The following RNF24 variants were observed in gnomAD, a reference collection of about 807,000 sequenced individuals.
The protein encoded by RNF24 is ring finger protein 24.
In RNF24, 14 loss-of-function variants were observed where a neutral mutation model predicts 20.0. That is an observed-to-expected ratio of 0.70 (90% CI 0.46 to 1.10). RNF24 has a LOEUF of 1.10. Among genes scored for constraint, RNF24 ranks in the 50% least tolerant of loss-of-function variants. The pLI, the probability that RNF24 is intolerant of heterozygous loss-of-function variation, is 0.00. For synonymous variants in RNF24, 45 were observed against 61.1 expected, an observed-to-expected ratio of 0.74 and a Z score of 1.23; for missense variants, 124 against 177.6, an observed-to-expected ratio of 0.70 and a Z score of 1.71.
chr20:3,935,176 A>G, intron 4 of RNF24, 103 bp from the exon 5 acceptor site: 1 of 789,970 alleles, frequency 1.3e-6, no homozygotes, highest in Non-Finnish European at 2.1e-6. Context: ...GAAGGGACTC[A>G]TGAGACTCTT....
chr20:3,976,251 G>A (rs994540853), intron 1 of RNF24, among the ~76,000 whole-genome samples: 1 of 152,042 alleles, frequency 6.6e-6, no homozygotes, highest in African/African-American at 2.4e-5. Flanking sequence ...ATATACAGAT[G>A]GTAAATAAGT....
intron 1 of RNF24, among the ~76,000 whole-genome samples, chr20:3,972,180 A>G (rs1275149495): frequency 2.0e-5 from 3 of 152,210 alleles, no homozygotes; most frequent in East Asian, 1.9e-4. Context: ...AAGGAGATAT[A>G]AAGAAATCTA....
intron 1 of RNF24, among the ~76,000 whole-genome samples, chr20:3,972,064 C>T (rs777252108): frequency 6.6e-6 from 1 of 152,092 alleles, no homozygotes; most frequent in Non-Finnish European, 1.5e-5. Context: ...GAAACATTAC[C>T]TAATGATAAA....
chr20:3,986,649 ATTTT>A (rs36005352), intron 1 of RNF24, among the ~76,000 whole-genome samples: 1 of 138,902 alleles, frequency 7.2e-6, no homozygotes. Context: ...ATGCAGTATA[ATTTT>A]TTTTTTTTTT....
rs371111451 is a variant in RNF24, at chr20:3,933,155, G to A, written c.*908C>T. 48 of 391,310 alleles carry A rather than the reference G, an allele frequency of 1.2e-4. No individual in the cohort carries two copies. The highest frequency in any genetic ancestry group is 1.2e-3 in the East Asian group (33 of 27,808). 24.2% of individuals were successfully genotyped at this position (391,310 alleles called of 1,614,324 possible). A position where few individuals can be genotyped will look rare whatever the true frequency, so the allele number is the denominator to read the frequency against. On this transcript the variant is annotated 3_prime_UTR_variant, in exon 6 of 6. Transcript: ENST00000358395. ...AAGGAGGGGGAGAGGCCAAAGGGTC[G>A]GCATTCCCTTCATCCAGCCGGGCCA... is the stretch of plus-strand genomic sequence containing the variant.
rs73588501 is a variant in RNF24 at position 3,992,812 on chromosome 20, A to G, written c.-8+22625T>C. Among the ~76,000 whole-genome samples the G allele has an allele frequency of 5.5e-3, 842 of 152,354 alleles. 6 individuals are homozygous for G. The highest frequency in any genetic ancestry group is 0.019 in the African/African-American group (779 of 41,594). On this transcript the variant is annotated intron_variant, in intron 1 of 5. Coordinates refer to ENST00000358395, the MANE Select transcript of RNF24 (RefSeq NM_001134337.3). ...AATTTCCAAAGCAAAAAGGCTAGAC[A>G]TTGGCTTAAATAAGTCAAAATAATA...
At chr20:4,008,697 C>T (rs892275953) in intron 1 of RNF24, among the ~76,000 whole-genome samples, 1 of 150,070 alleles carries the variant, frequency 6.7e-6, no homozygotes, top group Non-Finnish European at 1.5e-5. Flanking sequence ...CAGGCACCCG[C>T]CACCACACCC....
intron 1 of RNF24, among the ~76,000 whole-genome samples, chr20:3,986,649 ATTTTT>A (rs36005352): frequency 7.2e-6 from 1 of 138,908 alleles, no homozygotes. Context: ...ATGCAGTATA[ATTTTT>A]TTTTTTTTTT....
intron 2 of RNF24, among the ~76,000 whole-genome samples, chr20:3,961,244 A>C (rs1005170198): frequency 2.6e-5 from 4 of 152,174 alleles, no homozygotes; most frequent in Admixed American, 2.6e-4. Context: ...TCTACAAAAA[A>C]TAAAAAAATT....
At position 3,986,912 on chromosome 20, in the gene RNF24, T is replaced by TC. The variant is rs139137466; in HGVS notation, c.-7-22889dup. The stretch of plus-strand genomic sequence containing the variant: ...GATCCGCCCACCTTGGCCTTTTTTT[T>TC]CTTTTTTTTAAAAGAGGCAGAGTCT... On this transcript the variant is annotated intron_variant, in intron 1 of 5. Transcript: ENST00000358395. Among the ~76,000 whole-genome samples the TC allele has an allele frequency of 3.4e-4, 52 of 152,158 alleles. No homozygotes were observed. The East Asian group carries it at 0.01, about 29-fold the overall frequency.
rs1183680458 is a variant in RNF24 at position 3,933,325 on chromosome 20, G to T, written c.*738C>A. 7.5e-6 allele frequency: 3 copies of T among 397,506 alleles called. No homozygotes were observed. Among genetic ancestry groups the T allele is most frequent in the Non-Finnish European group, 1.3e-5 (3 of 226,046 alleles). The allele number at this position is 397,506 out of a possible 1,614,324, so 24.6% of individuals were successfully genotyped here. A position where few individuals can be genotyped will look rare whatever the true frequency, so the allele number is the denominator to read the frequency against. ...CATGTGGGGATGTGGGCAGCCTCCT[G>T]GATCACTCAGGGACAGTGTGGACTC... is the stretch of plus-strand genomic sequence containing the variant. On this transcript the variant is annotated 3_prime_UTR_variant, in exon 6 of 6. Coordinates refer to ENST00000358395, the MANE Select transcript of RNF24 (RefSeq NM_001134337.3).
intron 1 of RNF24, among the ~76,000 whole-genome samples, chr20:4,006,480 G>A (rs1448825845): frequency 6.6e-6 from 1 of 152,046 alleles, no homozygotes; most frequent in African/African-American, 2.4e-5. Context: ...AAAGGAACGG[G>A]CAAACCTCAC....
chr20:3,954,259 A>G (rs933982828), intron 2 of RNF24, among the ~76,000 whole-genome samples: 1 of 152,032 alleles, frequency 6.6e-6, no homozygotes, highest in Non-Finnish European at 1.5e-5. Context: ...CCTTACTTCT[A>G]TCCCCTGCAA....
intron 1 of RNF24, among the ~76,000 whole-genome samples, chr20:3,973,500 C>CAAAAAAAAAAAAAA (rs56824542): frequency 3.3e-4 from 33 of 101,112 alleles, no homozygotes; most frequent in East Asian, 1.3e-3. Flanking sequence ...GGAAGAATGA[C>CAAAAAAAAAAAAAA]AAAAAAAAAA....
intron 1 of RNF24, among the ~76,000 whole-genome samples, chr20:3,974,064 A>T (rs1020170918): frequency 4.7e-5 from 5 of 106,912 alleles, no homozygotes; most frequent in African/African-American, 1.6e-4. Flanking sequence ...GCTTAATATT[A>T]AAAAAAAAAA....
At chr20:3,976,726 A>C (rs529984063) in intron 1 of RNF24, among the ~76,000 whole-genome samples, 7 of 152,386 alleles carry the variant, frequency 4.6e-5, no homozygotes, top group Non-Finnish European at 1.0e-4. Flanking sequence ...TAGATGCAAT[A>C]ATCAGAGTCA....
intron 4 of RNF24, among the ~76,000 whole-genome samples, chr20:3,942,141 A>G (rs907420165): frequency 2.0e-5 from 3 of 151,716 alleles, no homozygotes; most frequent in Non-Finnish European, 2.9e-5. Context: ...ATCAAAAGGA[A>G]GCTGGAATGG....
chr20:3,986,639 A>G (rs1049149285), intron 1 of RNF24, among the ~76,000 whole-genome samples: 1 of 150,414 alleles, frequency 6.6e-6, no homozygotes, highest in Non-Finnish European at 1.5e-5. Context: ...ATGAGTGTGC[A>G]TGCAGTATAA....
Position 3,933,086 on chromosome 20 carries a change from T to G in RNF24, c.*977A>C, listed in dbSNP as rs1298295605. ...GGCTTTTTTTTTTTTTTTTTTTTTT[T>G]TCTGAAGTAGAAAGAGAGATAGGGC... On this transcript the variant is annotated 3_prime_UTR_variant, in exon 6 of 6. Coordinates refer to ENST00000358395, the MANE Select transcript of RNF24 (RefSeq NM_001134337.3). 1 of 305,420 alleles carries G rather than the reference T, an allele frequency of 3.3e-6. No homozygotes were observed. Among genetic ancestry groups the G allele is most frequent in the East Asian group, 3.9e-5 (1 of 25,822 alleles). 18.9% of individuals were successfully genotyped at this position (305,420 alleles called of 1,614,324 possible).
Sources: gnomAD v4.1 joint callset for allele counts (sites outside exome capture counted in the v4.1 genomes callset) on GRCh38, gnomAD v4.1.1 for gene constraint, MANE v1.5 for transcripts, NCBI Gene and HGNC (gene_info 2026-07-23, HGNC 2026-07-21) for gene names.